Variants in LTBP4 observed in about 807,000 individuals in gnomAD.
The protein encoded by LTBP4 is latent-transforming growth factor beta-binding protein 4.
LTBP4 carries 93 observed loss-of-function variants against 180.2 expected under a neutral mutation model. The observed-to-expected ratio is 0.52, with a 90% CI of 0.44 to 0.61. The LOEUF is 0.61. Ranked by LOEUF, LTBP4 falls within the 20% of genes least tolerant of loss-of-function variation. LTBP4 has a pLI of 0.00. For missense variants in LTBP4, 2,116 were observed against 2,256.5 expected (o/e 0.94, Z 1.26); for synonymous variants, 947 against 934.5 (o/e 1.01, Z -0.24).
In LTBP4 at chr19:40,605,675, G is replaced by T; in HGVS notation, c.690+23G>T. The stretch of plus-strand genomic sequence containing the variant: ...GAAGTGAGAGGAGGCCCGTGGGGAG[G>T]GGCCCGGAGCTTGCCTCCGCGCGGG... On this transcript the variant is annotated intron_variant, in intron 3 of 29. Transcript: ENST00000396819. This position sits in a 1 kb window ranked among gnomAD's most constrained non-coding sequence, Gnocchi z 5.5. The T allele has an allele frequency of 6.4e-7, 1 of 1,551,582 alleles. No individual in the cohort carries two copies.
rs1331973174 is a variant in LTBP4, at chr19:40,629,323, G to C, written c.4520-73G>C. On this transcript the variant is annotated intron_variant, in intron 29 of 29. Coordinates refer to ENST00000396819, the MANE Select transcript of LTBP4 (RefSeq NM_001042545.2). The surrounding 1 kb of genome is among the most constrained non-coding windows in gnomAD (Gnocchi z 4.5). ...CAGCATCTGTGCTCCTCTGTTCCAAGAACTTAAGGGGCCAAGGAGGCGAGC... is the reference window on the plus strand; with the variant it reads ...CAGCATCTGTGCTCCTCTGTTCCAACAACTTAAGGGGCCAAGGAGGCGAGC... 9.4e-6 allele frequency: 15 copies of C among 1,596,710 alleles called. No homozygotes were observed. The highest frequency in any genetic ancestry group is 1.3e-5 in the Non-Finnish European group (15 of 1,166,630).
upstream of LTBP4, chr19:40,599,217 G>T: frequency 3.1e-6 from 5 of 1,612,156 alleles, no homozygotes; most frequent in Non-Finnish European, 4.2e-6. Context: ...TGTCGCTGCT[G>T]CCCGGGCCAG....
At chr19:40,608,850 G>A (rs1399856728) in intron 9 of LTBP4, 8 of 375,878 alleles carry the variant, frequency 2.1e-5, no homozygotes, top group Non-Finnish European at 2.9e-5. Flanking sequence ...GGCAGAGGTT[G>A]CAGTGAGCTG....
In LTBP4 at chr19:40,609,635, T is replaced by C. The variant is rs2146026817; in HGVS notation, c.1532T>C (p.Leu511Pro). The stretch of plus-strand genomic sequence containing the variant: ...TGCGCTTGCGACTCTGGCTTCCGGC[T>C]CAGCCCCCAGGGCACCCGATGCATT... ...YTCACDSGFR[L>P]SPQGTRCIDV... is the part of the protein sequence containing the mutation. The change falls in exon 10 of 30, where the codon CTC (leucine) becomes CCC (proline). Residue 511 changes from leucine (L) to proline (P), a missense_variant. By Grantham distance (98) the Leu-to-Pro change is moderately conservative (BLOSUM62 -3). Transcript: ENST00000396819. The surrounding 1 kb of genome is among the most constrained non-coding windows in gnomAD (Gnocchi z 4.9). 6.2e-7 allele frequency: 1 copy of C among 1,613,184 alleles called. No homozygotes were observed. The highest frequency in any genetic ancestry group is 8.5e-7 in the Non-Finnish European group (1 of 1,179,790).
At position 40,616,806 on chromosome 19, in the gene LTBP4, C is replaced by G. The variant is rs2081552056; in HGVS notation, c.2813-83C>G. On this transcript the variant is annotated intron_variant, in intron 19 of 29. Coordinates refer to ENST00000396819, the MANE Select transcript of LTBP4 (RefSeq NM_001042545.2). ...TAGAATACCAGATTGCTAAAGACTT[C>G]TTAGTCTTGGGCACCGGAAGTGGTG... The G allele has an allele frequency of 1.1e-5, 16 of 1,497,032 alleles. No individual in the cohort carries two copies. The South Asian group carries it at 1.9e-4, about 18-fold the overall frequency. 92.7% of individuals were successfully genotyped at this position (1,497,032 alleles called of 1,614,324 possible).
rs750385800 is a variant in LTBP4, at chr19:40,613,902, G to T, written c.2558-14G>T. The T allele has an allele frequency of 7.4e-6, 12 of 1,613,280 alleles. No homozygotes were observed. In the Admixed American group the frequency reaches 1.8e-4, roughly 25 times the overall value. ...CGGGAGGTGGGCCGGGCCTTCGGAC[G>T]CCCTGTCCCGCAGACGTTGACGAGT... On this transcript the variant is annotated splice_polypyrimidine_tract_variant and intron_variant, in intron 17 of 29. Coordinates refer to ENST00000396819, the MANE Select transcript of LTBP4 (RefSeq NM_001042545.2). This position sits in a 1 kb window ranked among gnomAD's most constrained non-coding sequence, Gnocchi z 5.0.
intron 7 of LTBP4, 26 bp from the exon 8 acceptor site, chr19:40,608,190 CCTCT>C (rs1343584316): frequency 5.6e-6 from 9 of 1,613,296 alleles, no homozygotes; most frequent in Non-Finnish European, 7.6e-6. Context: ...GCTCTCTTGT[CCTCT>C]CTCTGTCTCT....
Position 40,607,370 on chromosome 19 carries a change from C to T in LTBP4, c.997C>T (p.His333Tyr). The T allele has an allele frequency of 1.2e-6, 2 of 1,602,306 alleles. No homozygotes were observed. The change falls in exon 7 of 30, where the codon CAC (histidine) becomes TAC (tyrosine). Residue 333 changes from histidine to tyrosine, a missense_variant. By Grantham distance (83) the His-to-Tyr change is moderately conservative (BLOSUM62 2). This residue lies in a region of LTBP4 where 469 missense variants were observed against 532.5 expected (regional missense o/e 0.88). Transcript: ENST00000396819. The stretch of plus-strand genomic sequence containing the variant: ...TTCCTCCCTGCTCCTCGCAGCCCAA[C>T]ACGTGATCTCAGAGGCCAAAGGGCC... ...DSSRSSCISQ[H>Y]VISEAKGPCF...
rs1051826563 is a variant in LTBP4, at chr19:40,611,465, C to T, written c.2053+71C>T. 3 of 1,530,572 alleles carry T rather than the reference C, an allele frequency of 2.0e-6. No homozygotes were observed. Among genetic ancestry groups the T allele is most frequent in the Non-Finnish European group, 2.6e-6 (3 of 1,143,372 alleles). The allele number at this position is 1,530,572 out of a possible 1,614,324, so 94.8% of individuals were successfully genotyped here. On this transcript the variant is annotated intron_variant, in intron 13 of 29. Coordinates refer to ENST00000396819, the MANE Select transcript of LTBP4 (RefSeq NM_001042545.2). The surrounding 1 kb of genome is among the most constrained non-coding windows in gnomAD (Gnocchi z 4.4). ...AGACTGGAGAGAGATTATTGAGGGG[C>T]AGAGAGGCAGAGTGATGGGGCTCAG...
chr19:40,610,447 C>A, intron 11 of LTBP4, 85 bp from the exon 12 acceptor site: 1 of 1,482,456 alleles, frequency 6.7e-7, no homozygotes, highest in Non-Finnish European at 9.0e-7. Context: ...TGGTCCCGCT[C>A]CCGCTTCCCT....
At chr19:40,607,118 C>A (rs1027355803) in intron 6 of LTBP4, among the ~76,000 whole-genome samples, 1 of 152,184 alleles carries the variant, frequency 6.6e-6, no homozygotes, top group Non-Finnish European at 1.5e-5. Context: ...ACTCGACTAT[C>A]TTCAGATCTT....
chr19:40,626,863 C>T (rs2081636947), intron 27 of LTBP4, 112 bp from the exon 28 acceptor site: 1 of 1,322,136 alleles, frequency 7.6e-7, no homozygotes, highest in South Asian at 2.1e-5. Flanking sequence ...ACCCCGGGGC[C>T]ACCCAGGACC....
At chr19:40,612,290 G>T (rs2081513698) in intron 15 of LTBP4, 98 bp downstream of exon 15, 2 of 1,444,372 alleles carry the variant, frequency 1.4e-6, no homozygotes, top group South Asian at 1.4e-5. Context: ...TCCTGACCTG[G>T]ACCTCAGTCC....
chr19:40,612,855 GTT>G (rs1423135524), intron 15 of LTBP4, among the ~76,000 whole-genome samples: 1 of 152,186 alleles, frequency 6.6e-6, no homozygotes, highest in African/African-American at 2.4e-5. Flanking sequence ...GGCACAGGTA[GTT>G]CCTAGAAACC....
chr19:40,602,607 C>T (rs1202202151), intron 1 of LTBP4, among the ~76,000 whole-genome samples: 3 of 152,212 alleles, frequency 2.0e-5, no homozygotes, highest in Admixed American at 6.5e-5. Context: ...CACTCTTTCC[C>T]GGCCCAGCCC....
rs576664689 is a variant in LTBP4 at position 40,613,686 on chromosome 19, G to T, written c.2557+157G>T. ...TGGTGGGAGTCTCGAGGCAGTGAGG[G>T]GGGGCGGGGCGTGGAGATGAAAGGG... On this transcript the variant is annotated intron_variant, in intron 17 of 29. Coordinates refer to ENST00000396819, the MANE Select transcript of LTBP4 (RefSeq NM_001042545.2). The surrounding 1 kb of genome is among the most constrained non-coding windows in gnomAD (Gnocchi z 5.0). 29 of 1,298,210 alleles carry T rather than the reference G, an allele frequency of 2.2e-5. No homozygotes were observed. The highest frequency in any genetic ancestry group is 2.9e-5 in the African/African-American group (2 of 68,458). 80.4% of individuals were successfully genotyped at this position (1,298,210 alleles called of 1,614,324 possible).
chr19:40,610,275 T>G, intron 11 of LTBP4: 1 of 530,696 alleles, frequency 1.9e-6, no homozygotes, highest in Non-Finnish European at 3.3e-6. Flanking sequence ...CCCAAACTGC[T>G]CCTTTCTTCT....
rs201619081 is a variant in LTBP4 at position 40,611,236 on chromosome 19, C to G, written c.1895C>G (p.Pro632Arg). The change falls in exon 13 of 30, where the codon CCG (proline) becomes CGG (arginine). Residue 632 changes from proline to arginine, a missense_variant. Pro to Arg is a moderately radical substitution (Grantham distance 103). Around this residue, in one of 5 missense-constraint regions of LTBP4, gnomAD observed 877 missense variants for 873.6 expected, o/e 1.00. Transcript: ENST00000396819. The surrounding 1 kb of genome is among the most constrained non-coding windows in gnomAD (Gnocchi z 4.4). Reference protein sequence around the residue: ...NLPGSFRCVCPAGFRGSACEE... With the variant: ...NLPGSFRCVCRAGFRGSACEE... The stretch of plus-strand genomic sequence containing the variant: ...CCTGGCTCTTTCCGCTGTGTTTGCC[C>G]GGCTGGCTTCCGGGGCTCGGCGTGT... The G allele has an allele frequency of 1.2e-6, 2 of 1,613,550 alleles. No homozygotes were observed. Among genetic ancestry groups the G allele is most frequent in the Non-Finnish European group, 1.7e-6 (2 of 1,179,740 alleles).
In LTBP4 at chr19:40,613,143, G is replaced by A; in HGVS notation, c.2378G>A (p.Cys793Tyr). The change falls in exon 16 of 30, where the codon TGC becomes TAC. Residue 793 changes from cysteine to tyrosine, a missense_variant. Cys to Tyr is a radical substitution (Grantham distance 194). Around this residue, in one of 5 missense-constraint regions of LTBP4, gnomAD observed 877 missense variants for 873.6 expected, o/e 1.00. Transcript: ENST00000396819. The surrounding 1 kb of genome is among the most constrained non-coding windows in gnomAD (Gnocchi z 5.0). ...ACTAACACCGAAGGCTCCTTCCGCT[G>A]CAGCTGCGCGCCAGGCTACCGGGCG... ...HCTNTEGSFR[C>Y]SCAPGYRAPS... 1 of 1,595,782 alleles carries A rather than the reference G, an allele frequency of 6.3e-7. No individual in the cohort carries two copies. Among genetic ancestry groups the A allele is most frequent in the Non-Finnish European group, 8.5e-7 (1 of 1,171,474 alleles).
Sources: gnomAD v4.1 joint callset for allele counts (sites outside exome capture counted in the v4.1 genomes callset) on GRCh38, gnomAD v4.1.1 for gene constraint, gnomAD v4.1.1 regional missense constraint, Gnocchi (gnomAD v3.1) non-coding constraint, MANE v1.5 for transcripts, NCBI Gene and HGNC (gene_info 2026-07-23, HGNC 2026-07-21) for gene names.